The following MEGF11 variants were observed in gnomAD, a reference collection of about 807,000 sequenced individuals.
The protein encoded by MEGF11 is multiple EGF like domains 11, also known as multiple epidermal growth factor-like domains protein 11.
A neutral mutation model predicts 146.6 loss-of-function variants in MEGF11; 126 were observed. The observed-to-expected ratio is 0.86, with a 90% CI of 0.74 to 1.00. MEGF11 has a LOEUF of 1.00. MEGF11 is among the 50% of genes least tolerant of loss of function. The probability of loss-of-function intolerance (pLI) is 0.00; values close to 1 mark genes in which losing one functional copy is unlikely to be tolerated. For synonymous variants in MEGF11, 532 were observed against 583.4 expected (o/e 0.91, Z 1.27); for missense variants, 1,509 against 1,521.2 (o/e 0.99, Z 0.13).
At chr15:66,228,301 G>A (rs2091895376) in intron 1 of MEGF11, among the ~76,000 whole-genome samples, 1 of 151,940 alleles carries the variant, frequency 6.6e-6, no homozygotes. Flanking sequence ...CCTGCCCAGG[G>A]GCTTACGAAG....
chr15:65,955,761 A>AAAAAAAT (rs1322410520), intron 10 of MEGF11, among the ~76,000 whole-genome samples: 1 of 14,712 alleles, frequency 6.8e-5, no homozygotes, highest in African/African-American at 2.8e-4. Flanking sequence ...AAAAAAAAAA[A>AAAAAAAT]ATATATATAT....
intron 5 of MEGF11, among the ~76,000 whole-genome samples, chr15:65,993,717 C>G (rs1184343725): frequency 6.6e-6 from 1 of 152,210 alleles, no homozygotes; most frequent in Non-Finnish European, 1.5e-5. Context: ...CATGTAGGCT[C>G]TGAGGGAAAT....
intron 5 of MEGF11, among the ~76,000 whole-genome samples, chr15:66,009,412 C>T (rs753563953): frequency 1.3e-4 from 20 of 152,084 alleles, no homozygotes; most frequent in Non-Finnish European, 2.4e-4. Flanking sequence ...TTCCTAGTGG[C>T]TGGGAGGCTC....
intron 1 of MEGF11, among the ~76,000 whole-genome samples, chr15:66,140,846 T>A (rs1179109461): frequency 1.3e-5 from 2 of 152,138 alleles, no homozygotes; most frequent in Non-Finnish European, 2.9e-5. Flanking sequence ...AAGTCTGAGC[T>A]CAGCCGGGTA....
intron 21 of MEGF11, 140 bp from the exon 22 acceptor site, chr15:65,909,946 A>G (rs573897261): frequency 3.9e-5 from 29 of 744,174 alleles, no homozygotes; most frequent in Non-Finnish European, 6.6e-5. Flanking sequence ...AGAAAGGGCG[A>G]GCTAGGTGTT....
At chr15:66,076,473 T>C (rs1008795046) in intron 5 of MEGF11, among the ~76,000 whole-genome samples, 16 of 152,298 alleles carry the variant, frequency 1.1e-4, no homozygotes, top group African/African-American at 3.6e-4. Context: ...TTGAGGCCAT[T>C]TACCCAGCCT....
intron 5 of MEGF11, among the ~76,000 whole-genome samples, chr15:66,068,292 G>A (rs2085220552): frequency 6.6e-6 from 1 of 152,088 alleles, no homozygotes; most frequent in South Asian, 2.1e-4. Context: ...ATAGATACAG[G>A]GTTTCTCTGT....
intron 5 of MEGF11, among the ~76,000 whole-genome samples, chr15:66,073,457 C>T (rs1196374002): frequency 6.6e-6 from 1 of 152,246 alleles, no homozygotes; most frequent in Non-Finnish European, 1.5e-5. Context: ...CTTATCTCCT[C>T]CTGGGCACTG....
intron 10 of MEGF11, among the ~76,000 whole-genome samples, chr15:65,940,599 A>C (rs983175359): frequency 6.6e-6 from 1 of 152,252 alleles, no homozygotes; most frequent in Non-Finnish European, 1.5e-5. Context: ...GCAGCAACTG[A>C]CAGCAGGTGC....
chr15:66,169,959 T>C (rs1305569644), intron 1 of MEGF11, among the ~76,000 whole-genome samples: 1 of 152,180 alleles, frequency 6.6e-6, no homozygotes, highest in Non-Finnish European at 1.5e-5. Context: ...TAAAGTGTCC[T>C]TCTGCACAAT....
intron 5 of MEGF11, among the ~76,000 whole-genome samples, chr15:66,041,220 C>T (rs1296207789): frequency 3.9e-5 from 6 of 152,204 alleles, no homozygotes; most frequent in Non-Finnish European, 4.4e-5. Context: ...GGGCACGGAA[C>T]AGGTCTTTGG....
intron 9 of MEGF11, among the ~76,000 whole-genome samples, chr15:65,962,786 G>A (rs1938225864): frequency 6.6e-6 from 1 of 152,150 alleles, no homozygotes; most frequent in African/African-American, 2.4e-5. Context: ...GTGCCCTCAA[G>A]GAGGTGGTGA....
intron 1 of MEGF11, among the ~76,000 whole-genome samples, chr15:66,246,108 T>C (rs1407776689): frequency 6.6e-6 from 1 of 151,054 alleles, no homozygotes; most frequent in Non-Finnish European, 1.5e-5. Flanking sequence ...AATACAAAAA[T>C]GAGCCAGGCA....
intron 3 of MEGF11, among the ~76,000 whole-genome samples, chr15:66,120,431 G>A (rs1313304686): frequency 6.6e-6 from 1 of 152,138 alleles, no homozygotes; most frequent in African/African-American, 2.4e-5. Context: ...AGCACCCAAG[G>A]GGAGCTTGCC....
chr15:66,164,331 G>T (rs2090039535), intron 1 of MEGF11, among the ~76,000 whole-genome samples: 1 of 152,314 alleles, frequency 6.6e-6, no homozygotes. Flanking sequence ...TGCCAATGGA[G>T]TTGTGCAGTA....
At chr15:66,088,318 T>C (rs1028967642) in intron 5 of MEGF11, among the ~76,000 whole-genome samples, 1 of 152,180 alleles carries the variant, frequency 6.6e-6, no homozygotes, top group African/African-American at 2.4e-5. Context: ...CCTAATTCAT[T>C]CTAAAGCCAG....
intron 4 of MEGF11, among the ~76,000 whole-genome samples, chr15:66,097,114 T>C (rs2086586953): frequency 6.6e-6 from 1 of 152,246 alleles, no homozygotes. Flanking sequence ...ATCGTCCTGG[T>C]ATTTTGCCTG....
chr15:65,918,221 A>G, intron 15 of MEGF11, 127 bp from the exon 16 acceptor site: 2 of 1,346,132 alleles, frequency 1.5e-6, no homozygotes, highest in South Asian at 1.3e-5. Flanking sequence ...ATCTGGATGG[A>G]GACCACGCCC....
Position 66,043,427 on chromosome 15 carries a change from G to T in MEGF11, c.394+50975C>A, listed in dbSNP as rs534306375. 2.3e-3 allele frequency among the ~76,000 whole-genome samples: 343 copies of T among 152,382 alleles called. 1 individual carries two copies. Among genetic ancestry groups the T allele is most frequent in the African/African-American group, 7.8e-3 (326 of 41,588 alleles). ...TGCTCTCCTGGCAGGACTTCTGAGGGATGTCTGGGCAGAAGCCACGATAAT... is the reference window on the plus strand; with the variant it reads ...TGCTCTCCTGGCAGGACTTCTGAGGTATGTCTGGGCAGAAGCCACGATAAT... On this transcript the variant is annotated intron_variant, in intron 5 of 25. Transcript: ENST00000395614.
Sources: allele counts gnomAD v4.1 joint callset (sites outside exome capture counted in the v4.1 genomes callset), GRCh38; gene constraint gnomAD v4.1.1; transcripts MANE v1.5; gene names NCBI Gene and HGNC (gene_info 2026-07-23, HGNC 2026-07-21).